The following EIF2AK2 variants were observed in gnomAD, a reference collection of about 807,000 sequenced individuals.
EIF2AK2 encodes the protein interferon-induced, double-stranded RNA-activated protein kinase.
Under a neutral mutation model 70.5 loss-of-function variants are expected in EIF2AK2, and 40 were observed. The ratio of observed to expected loss-of-function variants is 0.57; its 90% CI spans 0.44 to 0.74. EIF2AK2 has a LOEUF of 0.74. EIF2AK2 is among the 30% of genes least tolerant of loss of function. The pLI is 0.00. For synonymous variants in EIF2AK2, 198 were observed against 220.9 expected (o/e 0.90, Z 0.92); for missense variants, 555 against 644.3 (o/e 0.86, Z 1.50).
chr2:37,138,283 G>T lies in EIF2AK2; in HGVS notation c.674C>A (p.Ser225Tyr). The change falls in exon 8 of 17, where the codon TCT becomes TAT. Residue 225 changes from serine to tyrosine, a missense_variant. Ser to Tyr is a moderately radical substitution (Grantham distance 144). Around this residue, in one of 3 missense-constraint regions of EIF2AK2, gnomAD observed 208 missense variants for 191.8 expected, o/e 1.08. Coordinates refer to ENST00000233057, the MANE Select transcript of EIF2AK2 (RefSeq NM_001135651.3). ...CTAATACGATACCATAAGCAACGAA[G>T]AACTGTTTAAACTGTCACTGTTAGA... is the stretch of plus-strand genomic sequence containing the variant. ...INSNSDSLNSSSLLMNGLRNN... is the reference protein window; with the variant it reads ...INSNSDSLNSYSLLMNGLRNN... The T allele has an allele frequency of 6.2e-6, 10 of 1,612,896 alleles. No individual in the cohort carries two copies. The highest frequency in any genetic ancestry group is 8.5e-6 in the Non-Finnish European group (10 of 1,179,332).
At chr2:37,144,719 T>C (rs1675466456) in intron 4 of EIF2AK2, among the ~76,000 whole-genome samples, 1 of 152,086 alleles carries the variant, frequency 6.6e-6, no homozygotes. Context: ...TAGCTGGAAC[T>C]ACAGGCACAT....
chr2:37,121,505 G>A lies in EIF2AK2; in HGVS notation c.1067+1001C>T, dbSNP rs112595904. Among the ~76,000 whole-genome samples the A allele has an allele frequency of 7.5e-3, 1,134 of 152,014 alleles. 8 individuals carry two copies. Among genetic ancestry groups the A allele is most frequent in the Non-Finnish European group, 0.013 (866 of 68,014 alleles). ...TTAGACACTATATCCTTGCCGTCAC[G>A]GGGATAATAGTCTAATAGGAGAGAG... On this transcript the variant is annotated intron_variant, in intron 12 of 16. Transcript: ENST00000233057.
intron 13 of EIF2AK2, among the ~76,000 whole-genome samples, chr2:37,117,111 G>T (rs1674369726): frequency 6.6e-6 from 1 of 151,540 alleles, no homozygotes; most frequent in African/African-American, 2.4e-5. Context: ...TACTCGAGAG[G>T]CTGACGCAGG....
intron 14 of EIF2AK2, among the ~76,000 whole-genome samples, chr2:37,114,487 CAT>C (rs1346164407): frequency 2.6e-5 from 4 of 151,936 alleles, no homozygotes; most frequent in South Asian, 2.1e-4. Context: ...AAAATGTACA[CAT>C]ATATATGTTT....
At chr2:37,143,100 G>A (rs990502691) in intron 4 of EIF2AK2, among the ~76,000 whole-genome samples, 1 of 151,958 alleles carries the variant, frequency 6.6e-6, no homozygotes, top group Admixed American at 6.5e-5. Flanking sequence ...GTGGTGGTGG[G>A]TGCCTGTAAT....
chr2:37,117,568 T>A (rs1393898480), intron 13 of EIF2AK2, among the ~76,000 whole-genome samples: 2 of 152,122 alleles, frequency 1.3e-5, no homozygotes, highest in African/African-American at 4.8e-5. Context: ...TAATGCCACA[T>A]TTTGTCTAAT....
intron 11 of EIF2AK2, 89 bp downstream of exon 11, chr2:37,126,200 C>A (rs1674722009): frequency 6.3e-6 from 9 of 1,432,292 alleles, no homozygotes; most frequent in African/African-American, 1.4e-5. Flanking sequence ...ATAAATGATA[C>A]CCTAATAAAG....
Position 37,105,138 on chromosome 2 carries a change from T to G in EIF2AK2, c.*2135A>C, listed in dbSNP as rs1023679615. 4 of 152,244 alleles carry G rather than the reference T, an allele frequency of 2.6e-5. No individual in the cohort carries two copies. Among genetic ancestry groups the G allele is most frequent in the African/African-American group, 9.6e-5 (4 of 41,468 alleles). The allele number at this position is 152,244 out of a possible 1,614,324, so 9.4% of individuals were successfully genotyped here. ...CTATTTTCTCTTACTGTATTTTCAC[T>G]TTTTGCTTAACCTAAATTTGGCCCT... is the stretch of plus-strand genomic sequence containing the variant. On this transcript the variant is annotated 3_prime_UTR_variant, in exon 17 of 17. Coordinates refer to ENST00000233057, the MANE Select transcript of EIF2AK2 (RefSeq NM_001135651.3).
At chr2:37,122,800 G>T in intron 11 of EIF2AK2, 136 bp from the exon 12 acceptor site, 2 of 1,115,770 alleles carry the variant, frequency 1.8e-6, no homozygotes, top group Non-Finnish European at 2.6e-6. Context: ...GTTTTAGAAT[G>T]GAAGCCAGGA....
chr2:37,101,874 G>A lies in EIF2AK2; in HGVS notation c.*5399C>T, dbSNP rs1454113475. 6.6e-6 allele frequency: 1 copy of A among 152,110 alleles called. No individual in the cohort carries two copies. Among genetic ancestry groups the A allele is most frequent in the Non-Finnish European group, 1.5e-5 (1 of 68,018 alleles). 9.4% of individuals were successfully genotyped at this position (152,110 alleles called of 1,614,324 possible). ...TTTTGAGTGTGACAATGATGCTGTGGTTTTGTTAAAAAGATTTATCTGCTA... is the reference window on the plus strand; with the variant it reads ...TTTTGAGTGTGACAATGATGCTGTGATTTTGTTAAAAAGATTTATCTGCTA... On this transcript the variant is annotated 3_prime_UTR_variant, in exon 17 of 17. Coordinates refer to ENST00000233057, the MANE Select transcript of EIF2AK2 (RefSeq NM_001135651.3).
intron 3 of EIF2AK2, 59 bp from the exon 4 acceptor site, chr2:37,147,032 A>G: frequency 1.3e-6 from 2 of 1,516,376 alleles, no homozygotes; most frequent in Middle Eastern, 2.0e-4. Context: ...TCTAAAAACA[A>G]GTACTCTAGT....
chr2:37,116,038 A>G (rs1674329196), intron 13 of EIF2AK2, among the ~76,000 whole-genome samples: 1 of 152,128 alleles, frequency 6.6e-6, no homozygotes, highest in African/African-American at 2.4e-5. Context: ...CTGGGATTAC[A>G]GGCATGTGCC....
chr2:37,117,944 T>G (rs1052518035), intron 13 of EIF2AK2, among the ~76,000 whole-genome samples: 2 of 152,130 alleles, frequency 1.3e-5, no homozygotes, highest in Non-Finnish European at 2.9e-5. Flanking sequence ...TATCTTTTCT[T>G]AGAGGAGAGA....
At chr2:37,113,496 C>T (rs149997768) in intron 14 of EIF2AK2, among the ~76,000 whole-genome samples, 3 of 66,740 alleles carry the variant, frequency 4.5e-5, no homozygotes, top group African/African-American at 1.9e-4. Flanking sequence ...AAAACTCCAT[C>T]TCAAAAAAAA....
chr2:37,139,684 G>A lies in EIF2AK2; in HGVS notation c.463C>T (p.Gln155Ter). The A allele has an allele frequency of 1.9e-6, 3 of 1,614,014 alleles. No homozygotes were observed. Among genetic ancestry groups the A allele is most frequent in the East Asian group, 2.2e-5 (1 of 44,854 alleles). The change falls in exon 6 of 17, where the codon CAA (glutamine) becomes TAA (stop). Residue 155 changes from glutamine to a stop codon, truncating the protein, a stop_gained. Coordinates refer to ENST00000233057, the MANE Select transcript of EIF2AK2 (RefSeq NM_001135651.3). LOFTEE classifies it high-confidence loss of function. The part of the protein sequence containing the change: ...GTGSTKQEAK[Q>*]LAAKLAYLQI... ...AGATATGCAAGTTTAGCGGCCAATT[G>A]TTTTGCTTCCTGTTTAGTAGAACCT...
intron 10 of EIF2AK2, among the ~76,000 whole-genome samples, chr2:37,129,183 A>G (rs1430773413): frequency 6.6e-6 from 1 of 152,106 alleles, no homozygotes; most frequent in African/African-American, 2.4e-5. Context: ...GAGGACAAAC[A>G]TCTCCATTTA....
chr2:37,145,434 C>T lies in EIF2AK2; in HGVS notation c.240+1419G>A, dbSNP rs184969470. ...CCAGGATTACAGGCATGAGCCACCG[C>T]GCCTGGCCGCGTTTGTGTTTTAGGC... On this transcript the variant is annotated intron_variant, in intron 4 of 16. Transcript: ENST00000233057. Among the ~76,000 whole-genome samples the T allele has an allele frequency of 1.1e-3, 171 of 152,182 alleles. 1 individual carries two copies. The highest frequency in any genetic ancestry group is 4.1e-3 in the Admixed American group (62 of 15,288).
chr2:37,113,001 T>A (rs575850204), intron 14 of EIF2AK2, among the ~76,000 whole-genome samples: 1 of 152,336 alleles, frequency 6.6e-6, no homozygotes, highest in East Asian at 1.9e-4. Flanking sequence ...ATTAACTGCT[T>A]AACACGTAGT....
intron 5 of EIF2AK2, among the ~76,000 whole-genome samples, chr2:37,141,182 A>T (rs983583047): frequency 2.2e-4 from 33 of 152,294 alleles, no homozygotes; most frequent in African/African-American, 7.9e-4. Flanking sequence ...GTGAAGAGTG[A>T]TTCTATACAT....
Sources: gnomAD v4.1 joint callset for allele counts (sites outside exome capture counted in the v4.1 genomes callset) on GRCh38, gnomAD v4.1.1 for gene constraint, gnomAD v4.1.1 regional missense constraint, MANE v1.5 for transcripts, NCBI Gene and HGNC (gene_info 2026-07-23, HGNC 2026-07-21) for gene names.